Variants in PRKAR1A observed in about 807,000 individuals in gnomAD.
PRKAR1A encodes the protein cAMP-dependent protein kinase type I-alpha regulatory subunit.
A neutral mutation model predicts 52.0 loss-of-function variants in PRKAR1A; 3 were observed. The ratio of observed to expected loss-of-function variants is 0.06; its 90% CI spans 0.03 to 0.15. The LOEUF (loss-of-function observed/expected upper bound fraction) is 0.15, where lower values mean the gene tolerates loss of function less well. PRKAR1A is among the 10% of genes least tolerant of loss of function. The pLI, the probability that PRKAR1A is intolerant of heterozygous loss-of-function variation, is 1.00. For missense variants in PRKAR1A, 240 were observed against 477.4 expected (o/e 0.50, Z 4.63); for synonymous variants, 188 against 168.4 (o/e 1.12, Z -0.90).
chr17:68,532,416 C>G lies in PRKAR1A; in HGVS notation c.*1967C>G. ...TCATTTGGTTAAATCATTTGGCTTG[C>G]TGTTTACTCCCTTCTGTAGTTTTTA... On this transcript the variant is annotated 3_prime_UTR_variant, in exon 11 of 11. Coordinates refer to ENST00000589228, the MANE Select transcript of PRKAR1A (RefSeq NM_002734.5). 9.4e-7 allele frequency: 1 copy of G among 1,059,988 alleles called. No homozygotes were observed. The highest frequency in any genetic ancestry group is 1.1e-6 in the Non-Finnish European group (1 of 874,306). The allele number at this position is 1,059,988 out of a possible 1,614,324, so 65.7% of individuals were successfully genotyped here.
chr17:68,432,798 A>C, the PRKAR1A span, among the ~76,000 whole-genome samples: 2 of 151,932 alleles, frequency 1.3e-5, no homozygotes, highest in Non-Finnish European at 2.9e-5. Context: ...TTTCTCTAGA[A>C]TCCTTGCCCC....
chr17:68,543,459 G>A (rs1453409389), intron 11 of PRKAR1A, among the ~76,000 whole-genome samples: 1 of 152,106 alleles, frequency 6.6e-6, no homozygotes, highest in Non-Finnish European at 1.5e-5. Context: ...TCAATCTGGG[G>A]GGTTGCATGG....
chr17:68,536,303 AT>A (rs1479687504), downstream of PRKAR1A: 25 of 454,050 alleles, frequency 5.5e-5, no homozygotes, highest in African/African-American at 4.4e-4. Flanking sequence ...GAAATGAGGC[AT>A]TTTTACTTTT....
chr17:68,472,706 G>C, the PRKAR1A span, among the ~76,000 whole-genome samples: 1 of 152,202 alleles, frequency 6.6e-6, no homozygotes, highest in East Asian at 1.9e-4. Context: ...AGCACTTTGG[G>C]AGGCCGAGGT....
the PRKAR1A span, among the ~76,000 whole-genome samples, chr17:68,473,574 G>GT: frequency 6.6e-6 from 1 of 152,044 alleles, no homozygotes; most frequent in Non-Finnish European, 1.5e-5. Context: ...CCAGGCTGGA[G>GT]TGCAGTGGCA....
At chr17:68,471,433 C>A in the PRKAR1A span, among the ~76,000 whole-genome samples, 1 of 152,170 alleles carries the variant, frequency 6.6e-6, no homozygotes, top group African/African-American at 2.4e-5. Context: ...ATCTCCTCCT[C>A]CCCCAGACAT....
At chr17:68,522,641 C>T in intron 2 of PRKAR1A, 115 bp from the exon 3 acceptor site, 1 of 1,125,482 alleles carries the variant, frequency 8.9e-7, no homozygotes, top group South Asian at 1.3e-5. Context: ...TCTTAACTTA[C>T]ATTGTTAATG....
chr17:68,534,037 A>G (rs984781820), downstream of PRKAR1A, among the ~76,000 whole-genome samples: 1 of 152,206 alleles, frequency 6.6e-6, no homozygotes, highest in Non-Finnish European at 1.5e-5. Flanking sequence ...CAAAGGTATT[A>G]TTATAATAGC....
At chr17:68,487,417 G>A in the PRKAR1A span, among the ~76,000 whole-genome samples, 3 of 152,142 alleles carry the variant, frequency 2.0e-5, no homozygotes, top group African/African-American at 7.2e-5. Context: ...TATATTGAGA[G>A]GCATATAGTT....
At chr17:68,472,753 C>T in the PRKAR1A span, among the ~76,000 whole-genome samples, 1 of 150,930 alleles carries the variant, frequency 6.6e-6, no homozygotes, top group African/African-American at 2.5e-5. Flanking sequence ...TGAGACCAGC[C>T]TGGCCAACAT....
the PRKAR1A span, among the ~76,000 whole-genome samples, chr17:68,489,247 ATATATATATATATGGAAAG>A: frequency 1.8e-4 from 8 of 45,638 alleles, no homozygotes; most frequent in Admixed American, 9.9e-4. Flanking sequence ...ATATATATAT[ATATATATATATATGGAAAG>A]TATATATATA....
At chr17:68,497,290 G>A in the PRKAR1A span, among the ~76,000 whole-genome samples, 1 of 152,180 alleles carries the variant, frequency 6.6e-6, no homozygotes. Flanking sequence ...TAGTGGTGAA[G>A]GTGAGTGGTT....
chr17:68,424,623 C>T, the PRKAR1A span: 1 of 439,038 alleles, frequency 2.3e-6, no homozygotes, highest in South Asian at 1.8e-5. Context: ...CGCCTGTAAT[C>T]CTAGCACTTT....
chr17:68,434,070 C>G, the PRKAR1A span, among the ~76,000 whole-genome samples: 1 of 151,944 alleles, frequency 6.6e-6, no homozygotes, highest in African/African-American at 2.4e-5. Flanking sequence ...GCGCCCGGCC[C>G]ATAGTCTTAT....
chr17:68,466,371 T>C, the PRKAR1A span, among the ~76,000 whole-genome samples: 1 of 151,742 alleles, frequency 6.6e-6, no homozygotes, highest in Non-Finnish European at 1.5e-5. Context: ...TACACACCCT[T>C]TCTGCTTGTA....
chr17:68,457,596 C>T, the PRKAR1A span: 18 of 391,166 alleles, frequency 4.6e-5, no homozygotes, highest in African/African-American at 3.8e-4. Context: ...GCCCCGTCCC[C>T]GCCGCGTCCC....
the PRKAR1A span, among the ~76,000 whole-genome samples, chr17:68,432,396 A>G: frequency 6.6e-6 from 1 of 152,106 alleles, no homozygotes; most frequent in Non-Finnish European, 1.5e-5. Context: ...AAATCTTGGC[A>G]CCTCTCTTTC....
the PRKAR1A span, among the ~76,000 whole-genome samples, chr17:68,477,284 C>A: frequency 2.0e-5 from 3 of 152,168 alleles, no homozygotes; most frequent in African/African-American, 7.2e-5. Flanking sequence ...TAATTCTTTT[C>A]TTTTCTCTGC....
the PRKAR1A span, among the ~76,000 whole-genome samples, chr17:68,423,755 T>C: frequency 6.6e-6 from 1 of 152,164 alleles, no homozygotes; most frequent in Non-Finnish European, 1.5e-5. This position sits in a 1 kb window ranked among gnomAD's most constrained non-coding sequence, Gnocchi z 4.4. Context: ...CCCAAATAAA[T>C]GATCTGCACA....
Sources: gnomAD v4.1 joint callset for allele counts (sites outside exome capture counted in the v4.1 genomes callset) on GRCh38, gnomAD v4.1.1 for gene constraint, Gnocchi (gnomAD v3.1) non-coding constraint, MANE v1.5 for transcripts, NCBI Gene and HGNC (gene_info 2026-07-23, HGNC 2026-07-21) for gene names.